Variants in RAB5C observed in about 807,000 individuals in gnomAD.
RAB5C encodes RAB5C, member RAS oncogene family, also known as ras-related protein Rab-5C.
In RAB5C, 4 loss-of-function variants were observed where a neutral mutation model predicts 25.2. The ratio of observed to expected loss-of-function variants is 0.16; its 90% CI spans 0.08 to 0.36. The LOEUF (loss-of-function observed/expected upper bound fraction) is 0.36. RAB5C is among the 10% of genes least tolerant of loss of function. The pLI is 1.00. For missense variants in RAB5C, 199 were observed against 283.8 expected (o/e 0.70, Z 2.15); for synonymous variants, 100 against 106.4 (o/e 0.94, Z 0.37).
rs150074145 is a variant in RAB5C, at chr17:42,146,384, C to T, written c.-89+8509G>A. Among the ~76,000 whole-genome samples the T allele has an allele frequency of 2.4e-3, 361 of 152,286 alleles. 5 individuals are homozygous for T. The highest frequency in any genetic ancestry group is 0.022 in the South Asian group (108 of 4,828). On this transcript the variant is annotated intron_variant, in intron 1 of 5. Coordinates refer to ENST00000346213, the MANE Select transcript of RAB5C (RefSeq NM_004583.4). Reference sequence around the variant, plus strand: ...AGAAAACTCTGTACTATCTGCGTAACTTTTCTAAAAGTATTCTGAAAGAAT... The same window carrying T: ...AGAAAACTCTGTACTATCTGCGTAATTTTTCTAAAAGTATTCTGAAAGAAT...
intron 1 of RAB5C, among the ~76,000 whole-genome samples, chr17:42,145,826 C>T (rs1407545687): frequency 6.6e-6 from 1 of 152,028 alleles, no homozygotes; most frequent in East Asian, 1.9e-4. Context: ...TTTTTTGAGA[C>T]GGAGTCTCAT....
chr17:42,152,590 C>T (rs1212050229), intron 1 of RAB5C, among the ~76,000 whole-genome samples: 1 of 151,918 alleles, frequency 6.6e-6, no homozygotes. Context: ...ACCAGCCTGG[C>T]CAACATGGTG....
intron 4 of RAB5C, among the ~76,000 whole-genome samples, chr17:42,128,006 G>A (rs1446805739): frequency 6.6e-6 from 1 of 151,874 alleles, no homozygotes; most frequent in Non-Finnish European, 1.5e-5. Flanking sequence ...CTTTTGCAGA[G>A]ACAGAGTCTT....
At chr17:42,148,279 C>A (rs2079649195) in intron 1 of RAB5C, among the ~76,000 whole-genome samples, 1 of 151,714 alleles carries the variant, frequency 6.6e-6, no homozygotes, top group South Asian at 2.1e-4. Flanking sequence ...GTGGTACACA[C>A]CTGTAATCCC....
At chr17:42,151,212 G>C (rs903133696) in intron 1 of RAB5C, among the ~76,000 whole-genome samples, 5 of 152,086 alleles carry the variant, frequency 3.3e-5, no homozygotes, top group Non-Finnish European at 7.4e-5. Flanking sequence ...CAGGGTGGGC[G>C]GATCACGAGG....
rs201699914 is a variant in RAB5C at position 42,130,325 on chromosome 17, A to G, written c.166+12T>C. On this transcript the variant is annotated intron_variant, in intron 2 of 5. Coordinates refer to ENST00000346213, the MANE Select transcript of RAB5C (RefSeq NM_004583.4). ...CTTCAGGCCCCTCCCCGACTCCCTC[A>G]TGCCCACTCACCTCCAATTGTGCTC... 6.9e-6 allele frequency: 11 copies of G among 1,588,428 alleles called. No individual in the cohort carries two copies. Among genetic ancestry groups the G allele is most frequent in the Non-Finnish European group, 3.4e-6 (4 of 1,161,532 alleles).
At chr17:42,142,590 C>T (rs140103813) in intron 1 of RAB5C, among the ~76,000 whole-genome samples, 9 of 152,192 alleles carry the variant, frequency 5.9e-5, no homozygotes, top group African/African-American at 1.7e-4. Flanking sequence ...AGAGGCCACC[C>T]ACGCCCTCCT....
intron 1 of RAB5C, among the ~76,000 whole-genome samples, chr17:42,148,774 A>T (rs2079652583): frequency 6.6e-6 from 1 of 152,234 alleles, no homozygotes; most frequent in Admixed American, 6.5e-5. Flanking sequence ...AGAGCCTTCT[A>T]GGCAAAGTGA....
intron 1 of RAB5C, among the ~76,000 whole-genome samples, chr17:42,132,896 C>G (rs2054500357): frequency 6.6e-6 from 1 of 152,160 alleles, no homozygotes; most frequent in Non-Finnish European, 1.5e-5. Context: ...GGTCACCCAG[C>G]CTACAGGTGA....
chr17:42,141,671 G>A (rs1182044558), intron 1 of RAB5C, among the ~76,000 whole-genome samples: 1 of 152,180 alleles, frequency 6.6e-6, no homozygotes, highest in Non-Finnish European at 1.5e-5. Context: ...TTGAACTTCA[G>A]TTCAAGTTCT....
intron 1 of RAB5C, among the ~76,000 whole-genome samples, chr17:42,140,184 C>A (rs539274707): frequency 5.7e-4 from 87 of 152,226 alleles, no homozygotes; most frequent in African/African-American, 2.0e-3. Flanking sequence ...GCCACTCACA[C>A]CAGCGGACAC....
At chr17:42,154,268 T>C (rs2079691765) in intron 1 of RAB5C, among the ~76,000 whole-genome samples, 1 of 152,100 alleles carries the variant, frequency 6.6e-6, no homozygotes, top group Non-Finnish European at 1.5e-5. Flanking sequence ...ACAACATAAC[T>C]AGAGGACAGG....
Position 42,128,343 on chromosome 17 carries a change from T to C in RAB5C, c.359A>G (p.Gln120Arg). Residue 120 changes from glutamine (Q) to arginine (R), a missense_variant, in exon 4 of 6, where the codon CAG becomes CGG. This residue lies in a region of RAB5C where 154 missense variants were observed against 199.6 expected (regional missense o/e 0.77). Coordinates refer to ENST00000346213, the MANE Select transcript of RAB5C (RefSeq NM_004583.4). Reference sequence around the variant, plus strand: ...GACGATGTTGGGGCTGGCCTGCCTCTGTAGCTCCTTCACCCAGTTCTTGGC... The same window carrying C: ...GACGATGTTGGGGCTGGCCTGCCTCCGTAGCTCCTTCACCCAGTTCTTGGC... ...ARAKNWVKELQRQASPNIVIA... is the reference protein window; with the variant it reads ...ARAKNWVKELRRQASPNIVIA... The C allele has an allele frequency of 6.2e-7, 1 of 1,614,176 alleles. No individual in the cohort carries two copies. Among genetic ancestry groups the C allele is most frequent in the Non-Finnish European group, 8.5e-7 (1 of 1,180,014 alleles).
At chr17:42,152,843 A>C (rs1195459165) in intron 1 of RAB5C, among the ~76,000 whole-genome samples, 3 of 152,068 alleles carry the variant, frequency 2.0e-5, no homozygotes, top group Non-Finnish European at 4.4e-5. Flanking sequence ...AAAGAAAAGA[A>C]GGTCTCCTCA....
Position 42,147,072 on chromosome 17 carries a change from AAAAGAAAGAAAG to A in RAB5C, c.-89+7809_-89+7820del, listed in dbSNP as rs976863509. ...AGACAGAAAAAGAAAGAAAGAAAGAAAAAGAAAGAAAGAAAGAAAGAAAGAAGGAAAGACAGA... is the reference window on the plus strand; with the variant it reads ...AGACAGAAAAAGAAAGAAAGAAAGAAAAAGAAAGAAAGAAGGAAAGACAGA... On this transcript the variant is annotated intron_variant, in intron 1 of 5. Coordinates refer to ENST00000346213, the MANE Select transcript of RAB5C (RefSeq NM_004583.4). 1.0e-3 allele frequency among the ~76,000 whole-genome samples: 155 copies of A among 150,282 alleles called. 2 individuals carry two copies. Among genetic ancestry groups the A allele is most frequent in the Non-Finnish European group, 1.9e-3 (132 of 67,850 alleles).
chr17:42,131,972 AG>A (rs534266769), intron 1 of RAB5C: 159 of 188,028 alleles, frequency 8.5e-4, no homozygotes, highest in African/African-American at 3.6e-3. Flanking sequence ...TGGAAAGAAA[AG>A]GTTTTTATTA....
chr17:42,142,117 T>G (rs978595018), intron 1 of RAB5C, among the ~76,000 whole-genome samples: 4 of 147,178 alleles, frequency 2.7e-5, no homozygotes, highest in African/African-American at 1.0e-4. Flanking sequence ...TACCATCCAA[T>G]AAATCTGCAT....
intron 1 of RAB5C, among the ~76,000 whole-genome samples, chr17:42,139,516 G>A (rs769941800): frequency 7.9e-5 from 12 of 152,218 alleles, no homozygotes; most frequent in Admixed American, 3.3e-4. Flanking sequence ...AGGTTGGAGT[G>A]CAGTGGCGTG....
At chr17:42,153,650 G>C (rs2079686499) in intron 1 of RAB5C, among the ~76,000 whole-genome samples, 1 of 152,096 alleles carries the variant, frequency 6.6e-6, no homozygotes, top group South Asian at 2.1e-4. Flanking sequence ...AGATAGCAAG[G>C]GTCAGTCATG....
Sources: allele counts gnomAD v4.1 joint callset (sites outside exome capture counted in the v4.1 genomes callset), GRCh38; gene constraint gnomAD v4.1.1; regional missense constraint gnomAD v4.1.1; transcripts MANE v1.5; gene names NCBI Gene and HGNC (gene_info 2026-07-23, HGNC 2026-07-21).